The following LHFPL3 variants were observed in gnomAD, a reference collection of about 807,000 sequenced individuals.
The protein encoded by LHFPL3 is LHFPL tetraspan subfamily member 3.
A neutral mutation model predicts 19.3 loss-of-function variants in LHFPL3; 5 were observed. The ratio of observed to expected loss-of-function variants is 0.26; its 90% CI spans 0.14 to 0.54. LHFPL3 has a LOEUF of 0.54. Ranked by LOEUF, LHFPL3 falls within the 20% of genes least tolerant of loss-of-function variation. LHFPL3 has a pLI of 0.94. For synonymous variants in LHFPL3, 133 were observed against 126.2 expected (o/e 1.05, Z -0.36); for missense variants, 249 against 307.4 (o/e 0.81, Z 1.42).
intron 1 of LHFPL3, among the ~76,000 whole-genome samples, chr7:104,596,851 GT>G (rs1204379761): frequency 1.3e-5 from 2 of 152,190 alleles, no homozygotes; most frequent in Non-Finnish European, 2.9e-5. Context: ...ATCATTATCT[GT>G]TTACATGTTT....
intron 2 of LHFPL3, among the ~76,000 whole-genome samples, chr7:104,811,877 T>A (rs772057740): frequency 3.3e-5 from 5 of 152,234 alleles, no homozygotes; most frequent in African/African-American, 1.2e-4. Context: ...AAAGCTGTTT[T>A]AAAGAATGCA....
chr7:104,335,745 G>A lies in LHFPL3; in HGVS notation c.445+6521G>A, dbSNP rs570169912. 2.0e-5 allele frequency among the ~76,000 whole-genome samples: 3 copies of A among 151,492 alleles called. No individual in the cohort carries two copies. The East Asian group carries it at 5.9e-4, about 30-fold the overall frequency. Reference sequence around the variant, plus strand: ...GGCTTAATATGAAAACACCTATTTGGTAATTTTTGTTTGGCATGTTGCTAC... The same window carrying A: ...GGCTTAATATGAAAACACCTATTTGATAATTTTTGTTTGGCATGTTGCTAC... On this transcript the variant is annotated intron_variant, in intron 1 of 2. Transcript: ENST00000424859.
intron 1 of LHFPL3, among the ~76,000 whole-genome samples, chr7:104,423,954 C>T (rs559780842): frequency 1.3e-5 from 2 of 152,316 alleles, no homozygotes; most frequent in East Asian, 3.9e-4. Flanking sequence ...TTGCAGAGAA[C>T]TGGCATGTGG....
At chr7:104,492,160 G>A (rs1449149079) in intron 1 of LHFPL3, among the ~76,000 whole-genome samples, 1 of 151,850 alleles carries the variant, frequency 6.6e-6, no homozygotes, top group Non-Finnish European at 1.5e-5. Context: ...CAAACTACAG[G>A]GTTACTTGCG....
chr7:104,856,374 C>T (rs909215720), intron 2 of LHFPL3, among the ~76,000 whole-genome samples: 33 of 151,506 alleles, frequency 2.2e-4, no homozygotes, highest in Middle Eastern at 3.4e-3. Context: ...CTCAGCCTCC[C>T]GAGTAGCCGG....
Position 104,692,561 on chromosome 7 carries a change from C to T in LHFPL3, c.446-44114C>T, listed in dbSNP as rs766587973. Among the ~76,000 whole-genome samples the T allele has an allele frequency of 8.5e-5, 13 of 152,356 alleles. No homozygotes were observed. The Middle Eastern group carries it at 0.01, about 120-fold the overall frequency. ...CACTCCAGGCCATTGCTTCAGAGGG[C>T]GGTGCCCTTTGTCCCAGCTGTGGCT... On this transcript the variant is annotated intron_variant, in intron 1 of 2. Transcript: ENST00000424859.
chr7:104,396,172 C>T (rs991920558), intron 1 of LHFPL3, among the ~76,000 whole-genome samples: 3 of 152,142 alleles, frequency 2.0e-5, no homozygotes, highest in Non-Finnish European at 2.9e-5. Flanking sequence ...CTAAGAGGGA[C>T]CAACTGTCTT....
intron 1 of LHFPL3, among the ~76,000 whole-genome samples, chr7:104,463,573 T>A (rs114275566): frequency 6.6e-6 from 1 of 152,194 alleles, no homozygotes; most frequent in Admixed American, 6.5e-5. Context: ...TTAGCATGGC[T>A]AGAGAGGCCT....
chr7:104,579,190 C>T lies in LHFPL3; in HGVS notation c.446-157485C>T, dbSNP rs371583757. On this transcript the variant is annotated intron_variant, in intron 1 of 2. Coordinates refer to ENST00000424859, the MANE Select transcript of LHFPL3 (RefSeq NM_199000.3). ...CTTTTTAATTTTAGATTCGGGAGTA[C>T]GTGTGCAGGTTTGTTGCATGGGTAT... Among the ~76,000 whole-genome samples the T allele has an allele frequency of 3.4e-4, 51 of 152,146 alleles. 1 individual carries two copies. Among genetic ancestry groups the T allele is most frequent in the African/African-American group, 1.2e-3 (48 of 41,498 alleles).
chr7:104,352,377 A>G (rs1220208504), intron 1 of LHFPL3, among the ~76,000 whole-genome samples: 3 of 152,184 alleles, frequency 2.0e-5, no homozygotes, highest in Admixed American at 6.5e-5. Context: ...ACTACCAAGT[A>G]TGTAATAAGA....
chr7:104,394,032 A>G (rs1452045157), intron 1 of LHFPL3, among the ~76,000 whole-genome samples: 1 of 152,234 alleles, frequency 6.6e-6, no homozygotes, highest in African/African-American at 2.4e-5. Flanking sequence ...AGCAATGGCT[A>G]TACAACTCTC....
chr7:104,738,968 A>T (rs1362127842), intron 2 of LHFPL3: 2 of 152,168 alleles, frequency 1.3e-5, no homozygotes, highest in Admixed American at 6.5e-5. Flanking sequence ...GAAGGACGAA[A>T]ATTAGTAGGA....
At chr7:104,601,122 A>G (rs1790956903) in intron 1 of LHFPL3, among the ~76,000 whole-genome samples, 1 of 152,184 alleles carries the variant, frequency 6.6e-6, no homozygotes, top group Non-Finnish European at 1.5e-5. Flanking sequence ...AGCATAGCAT[A>G]TACTCATCAG....
At chr7:104,755,582 C>CCACCACA (rs1554433777) in intron 2 of LHFPL3, among the ~76,000 whole-genome samples, 1 of 150,486 alleles carries the variant, frequency 6.6e-6, no homozygotes, top group Non-Finnish European at 1.5e-5. Flanking sequence ...CCCAACACCA[C>CCACCACA]CACACACACA....
chr7:104,772,239 G>T (rs904220864), intron 2 of LHFPL3, among the ~76,000 whole-genome samples: 4 of 152,136 alleles, frequency 2.6e-5, no homozygotes, highest in Non-Finnish European at 4.4e-5. Context: ...AACCCAGAGG[G>T]ATAGAACAAA....
chr7:104,476,134 A>C (rs1445734415), intron 1 of LHFPL3, among the ~76,000 whole-genome samples: 4 of 152,206 alleles, frequency 2.6e-5, no homozygotes, highest in African/African-American at 9.6e-5. Context: ...AGCCACTTCC[A>C]TCTAAAATGG....
intron 1 of LHFPL3, among the ~76,000 whole-genome samples, chr7:104,565,228 G>C (rs1457921548): frequency 6.6e-6 from 1 of 152,166 alleles, no homozygotes; most frequent in Non-Finnish European, 1.5e-5. Flanking sequence ...GTCCTGTGGA[G>C]ATAACTTTAT....
At chr7:104,857,924 T>C (rs887826998) in intron 2 of LHFPL3, among the ~76,000 whole-genome samples, 1 of 152,200 alleles carries the variant, frequency 6.6e-6, no homozygotes, top group African/African-American at 2.4e-5. Flanking sequence ...TTTGCAATCA[T>C]TACTACACAG....
At chr7:104,680,112 A>G (rs1792668254) in intron 1 of LHFPL3, among the ~76,000 whole-genome samples, 1 of 152,200 alleles carries the variant, frequency 6.6e-6, no homozygotes, top group Non-Finnish European at 1.5e-5. Context: ...TCTTCTTCAG[A>G]GTCGCAGAGA....
Sources: allele counts gnomAD v4.1 joint callset (sites outside exome capture counted in the v4.1 genomes callset), GRCh38; gene constraint gnomAD v4.1.1; transcripts MANE v1.5; gene names NCBI Gene and HGNC (gene_info 2026-07-23, HGNC 2026-07-21).